The following RNF125 variants were observed in gnomAD, a reference collection of about 807,000 sequenced individuals.
RNF125 encodes the protein ring finger protein 125.
Under a neutral mutation model 26.0 loss-of-function variants are expected in RNF125, and 21 were observed. The ratio of observed to expected loss-of-function variants is 0.81; its 90% confidence interval spans 0.57 to 1.16. RNF125 has a LOEUF of 1.16. RNF125 is among the 50% of genes most tolerant of loss of function. The pLI, the probability that RNF125 is intolerant of heterozygous loss-of-function variation, is 0.00. For synonymous variants in RNF125, 95 were observed against 109.2 expected, an observed-to-expected ratio of 0.87 and a Z score of 0.81; for missense variants, 270 against 299.4, an observed-to-expected ratio of 0.90 and a Z score of 0.72.
chr18:32,073,671 C>T (rs2039551143), downstream of RNF125, among the ~76,000 whole-genome samples: 1 of 152,194 alleles, frequency 6.6e-6, no homozygotes, highest in Non-Finnish European at 1.5e-5. Context: ...CTGTAGCTGT[C>T]ATGCGTACCC....
intron 2 of RNF125, among the ~76,000 whole-genome samples, chr18:32,039,594 T>C (rs796316657): frequency 4.6e-5 from 7 of 152,288 alleles, no homozygotes; most frequent in African/African-American, 1.7e-4. Flanking sequence ...TTACTTTGTC[T>C]TCACATAAAA....
At position 32,037,286 on chromosome 18, in the gene RNF125, A is replaced by G; in HGVS notation, c.318+17A>G. 1 of 1,500,630 alleles carries G rather than the reference A, an allele frequency of 6.7e-7. No homozygotes were observed. The highest frequency in any genetic ancestry group is 8.9e-7 in the Non-Finnish European group (1 of 1,127,078). The allele number at this position is 1,500,630 out of a possible 1,614,324, so 93.0% of individuals were successfully genotyped here. ...GACACCCTGGTATGTATGTGACCCC[A>G]CCTATTTTCATGGTTACCAGCTTAA... On this transcript the variant is annotated intron_variant, in intron 2 of 5. Coordinates refer to ENST00000217740, the MANE Select transcript of RNF125 (RefSeq NM_017831.4).
At chr18:32,050,368 G>A (rs140044245) in intron 4 of RNF125, among the ~76,000 whole-genome samples, 1 of 152,110 alleles carries the variant, frequency 6.6e-6, no homozygotes. Context: ...CACCCAGGCC[G>A]GACCGCAGTG....
chr18:32,048,903 A>G (rs1463294477), intron 4 of RNF125, among the ~76,000 whole-genome samples: 1 of 152,194 alleles, frequency 6.6e-6, no homozygotes, highest in African/African-American at 2.4e-5. Flanking sequence ...AGTGACTACT[A>G]TCACTGAGTT....
At chr18:32,055,026 G>A (rs1164521985) in intron 4 of RNF125, among the ~76,000 whole-genome samples, 1 of 152,168 alleles carries the variant, frequency 6.6e-6, no homozygotes, top group East Asian at 1.9e-4. Context: ...GCCAGCTGCA[G>A]TGGCTTACAC....
chr18:32,077,180 G>C (rs1381891017), downstream of RNF125, among the ~76,000 whole-genome samples: 1 of 152,032 alleles, frequency 6.6e-6, no homozygotes, highest in Non-Finnish European at 1.5e-5. Context: ...TACATCATCA[G>C]TGTGTGATGA....
At chr18:32,063,269 T>A (rs1368391056) in intron 4 of RNF125, among the ~76,000 whole-genome samples, 1 of 151,574 alleles carries the variant, frequency 6.6e-6, no homozygotes, top group African/African-American at 2.4e-5. Flanking sequence ...TAAATATAAT[T>A]TTAAAAAAGT....
intron 4 of RNF125, among the ~76,000 whole-genome samples, chr18:32,064,542 C>G (rs2144514373): frequency 6.8e-6 from 1 of 148,102 alleles, no homozygotes; most frequent in East Asian, 2.0e-4. Flanking sequence ...TGGGTGGGGA[C>G]AAGTTTCCAA....
At chr18:32,054,840 A>G (rs569240170) in intron 4 of RNF125, among the ~76,000 whole-genome samples, 5 of 152,312 alleles carry the variant, frequency 3.3e-5, no homozygotes, top group Admixed American at 6.5e-5. Flanking sequence ...AATAAGATAA[A>G]TATGATTTGT....
chr18:32,037,014 G>T, intron 1 of RNF125, 102 bp from the exon 2 acceptor site: 1 of 1,039,692 alleles, frequency 9.6e-7, no homozygotes, highest in East Asian at 2.8e-5. Flanking sequence ...GGCTCATGGG[G>T]TACGAGGTGT....
At chr18:32,042,025 C>T in intron 2 of RNF125, 154 bp from the exon 3 acceptor site, 1 of 629,120 alleles carries the variant, frequency 1.6e-6, no homozygotes, top group South Asian at 1.8e-5. Context: ...TTGATAATGC[C>T]TTAATTTTTG....
intron 2 of RNF125, 49 bp from the exon 3 acceptor site, chr18:32,042,130 T>C (rs1343855645): frequency 7.4e-6 from 10 of 1,345,596 alleles, no homozygotes; most frequent in South Asian, 2.4e-5. Context: ...TAAGCTTTCA[T>C]TGAGCCCTTT....
intron 4 of RNF125, among the ~76,000 whole-genome samples, chr18:32,047,168 C>T (rs2912538): frequency 0.57 from 86,088 of 152,002 alleles, 24,415 homozygotes; most frequent in Non-Finnish European, 0.59. Context: ...TCCTGAGTAG[C>T]TGGGACTACA....
intron 1 of RNF125, 40 bp downstream of exon 1, chr18:32,019,067 G>A (rs2038960274): frequency 6.2e-7 from 1 of 1,602,252 alleles, no homozygotes; most frequent in Non-Finnish European, 8.5e-7. Context: ...CACCCCTAAG[G>A]AGGGCGATGT....
chr18:32,066,412 TCACAC>T (rs1439542632), intron 5 of RNF125, among the ~76,000 whole-genome samples: 1 of 150,772 alleles, frequency 6.6e-6, no homozygotes, highest in African/African-American at 2.4e-5. Flanking sequence ...TGAGCTGAGA[TCACAC>T]CACTCCACTC....
intron 2 of RNF125, among the ~76,000 whole-genome samples, chr18:32,040,217 T>G (rs1032836406): frequency 6.6e-6 from 1 of 151,746 alleles, no homozygotes; most frequent in Non-Finnish European, 1.5e-5. Flanking sequence ...AGATCTCCAT[T>G]CCTTGAGGCC....
chr18:32,051,539 C>T (rs905495559), intron 4 of RNF125, among the ~76,000 whole-genome samples: 32 of 149,166 alleles, frequency 2.1e-4, no homozygotes, highest in Non-Finnish European at 1.0e-4. Context: ...CGCGTGAACC[C>T]AGGAAGCGGA....
chr18:32,064,392 T>TCTTC (rs2039463591), intron 4 of RNF125, among the ~76,000 whole-genome samples: 3 of 118,704 alleles, frequency 2.5e-5, no homozygotes, highest in Non-Finnish European at 5.3e-5. Flanking sequence ...ATCTTTTTCT[T>TCTTC]TTTCTTTTTT....
intron 4 of RNF125, 152 bp from the exon 5 acceptor site, chr18:32,065,750 C>T: frequency 1.7e-6 from 1 of 591,610 alleles, no homozygotes; most frequent in Non-Finnish European, 3.1e-6. Flanking sequence ...CCAGGATGGT[C>T]TCCATCTCTT....
Sources: allele counts gnomAD v4.1 joint callset (sites outside exome capture counted in the v4.1 genomes callset), GRCh38; gene constraint gnomAD v4.1.1; transcripts MANE v1.5; gene names NCBI Gene and HGNC (gene_info 2026-07-23, HGNC 2026-07-21).